Variants in UGT1A8 observed in about 807,000 individuals in gnomAD.
UGT1A8 encodes UDP glucuronosyltransferase family 1 member A8, also known as UDP-glucuronosyltransferase 1A8.
Under a neutral mutation model 45.3 loss-of-function variants are expected in UGT1A8, and 39 were observed. The observed-to-expected ratio is 0.86, with a 90% CI of 0.67 to 1.12. The LOEUF (loss-of-function observed/expected upper bound fraction) is 1.12. Among genes scored for constraint, UGT1A8 ranks in the 50% most tolerant of loss-of-function variants. The probability of loss-of-function intolerance (pLI) is 0.00; values close to 1 mark genes in which losing one functional copy is unlikely to be tolerated. For synonymous variants in UGT1A8, 275 were observed against 249.2 expected (o/e 1.10, Z -0.97); for missense variants, 719 against 664.9 (o/e 1.08, Z -0.90).
At chr2:233,729,375 G>A (rs148006660) in intron 1 of UGT1A8, 162 of 1,614,004 alleles carry the variant, frequency 1.0e-4, no homozygotes, top group African/African-American at 2.0e-4. Flanking sequence ...ATGCCATTTC[G>A]TGGACCCAGG....
chr2:233,729,822 A>G, intron 1 of UGT1A8: 1 of 1,613,914 alleles, frequency 6.2e-7, no homozygotes, highest in Non-Finnish European at 8.5e-7. Flanking sequence ...CTCCTTATGC[A>G]AGCCTTGCCT....
chr2:233,679,239 AAG>A (rs2074446105), intron 1 of UGT1A8, among the ~76,000 whole-genome samples: 1 of 152,220 alleles, frequency 6.6e-6, no homozygotes, highest in South Asian at 2.1e-4. Flanking sequence ...CCAATATCGA[AAG>A]AACTTTAAAA....
At chr2:233,685,924 CT>C in intron 1 of UGT1A8, among the ~76,000 whole-genome samples, 1 of 152,088 alleles carries the variant, frequency 6.6e-6, no homozygotes, top group African/African-American at 2.4e-5. Flanking sequence ...TAAATTTATC[CT>C]GATTGTCTCA....
chr2:233,760,685 A>G (rs575799001), intron 1 of UGT1A8: 11 of 1,614,182 alleles, frequency 6.8e-6, no homozygotes, highest in South Asian at 1.1e-5. Flanking sequence ...TTACTGCACA[A>G]CAAGGAGCTC....
At chr2:233,639,643 G>T (rs1173613326) in intron 1 of UGT1A8, among the ~76,000 whole-genome samples, 1 of 152,194 alleles carries the variant, frequency 6.6e-6, no homozygotes, top group East Asian at 1.9e-4. Flanking sequence ...CAGTGTCCCA[G>T]ACCCTGCACA....
At chr2:233,693,615 CT>C (rs779391112) in intron 1 of UGT1A8, 58 of 1,614,100 alleles carry the variant, frequency 3.6e-5, no homozygotes, top group South Asian at 8.8e-5. Context: ...GACCACATGA[CT>C]TTTTCCCAAC....
Position 233,767,922 on chromosome 2 carries a change from A to G in UGT1A8, c.1061A>G (p.Gln354Arg), listed in dbSNP as rs72551351. The G allele has an allele frequency of 6.2e-7, 1 of 1,614,240 alleles. No individual in the cohort carries two copies. The highest frequency in any genetic ancestry group is 1.1e-5 in the South Asian group (1 of 91,086). ...ACGATACTTGTTAAGTGGCTACCCC[A>G]AAACGATCTGCTTGGTATGTTGGGC... ...NNTILVKWLP[Q>R]NDLLGHPMTR... Residue 354 changes from glutamine (Q) to arginine (R), a missense_variant, in exon 3 of 5, where the codon CAA (glutamine) becomes CGA (arginine). Physicochemically the swap from Gln to Arg is conservative, Grantham distance 43. Transcript: ENST00000373450.
At chr2:233,768,989 C>A (rs947388091) in intron 4 of UGT1A8, among the ~76,000 whole-genome samples, 2 of 152,024 alleles carry the variant, frequency 1.3e-5, no homozygotes, top group African/African-American at 4.8e-5. Context: ...TTATTTCCCC[C>A]ATTAGATTTA....
chr2:233,638,206 A>G (rs983028266), intron 1 of UGT1A8, among the ~76,000 whole-genome samples: 1 of 152,314 alleles, frequency 6.6e-6, no homozygotes, highest in African/African-American at 2.4e-5. Flanking sequence ...CTTGTTTTAT[A>G]TACATAAATA....
At chr2:233,651,183 T>C (rs578096778) in intron 1 of UGT1A8, among the ~76,000 whole-genome samples, 71 of 152,290 alleles carry the variant, frequency 4.7e-4, no homozygotes, top group Middle Eastern at 6.8e-3. Flanking sequence ...TTACCCTCCT[T>C]CAGTTACAGC....
chr2:233,764,097 A>C (rs535493986), intron 1 of UGT1A8, among the ~76,000 whole-genome samples: 6 of 152,334 alleles, frequency 3.9e-5, no homozygotes, highest in African/African-American at 1.4e-4. Flanking sequence ...CTAAACTAAA[A>C]ATACAAAATT....
At chr2:233,666,128 A>G (rs2074071333) in intron 1 of UGT1A8, among the ~76,000 whole-genome samples, 1 of 152,244 alleles carries the variant, frequency 6.6e-6, no homozygotes, top group Admixed American at 6.5e-5. Context: ...GAGGGTGCTG[A>G]TCACATGGCT....
At chr2:233,678,335 C>G (rs7582907) in intron 1 of UGT1A8, among the ~76,000 whole-genome samples, 92,481 of 151,102 alleles carry the variant, frequency 0.61, 28,518 homozygotes, top group South Asian at 0.65. Flanking sequence ...AAGAGGAAGT[C>G]ATTCATCATA....
At chr2:233,641,372 A>G (rs1385489048) in intron 1 of UGT1A8, among the ~76,000 whole-genome samples, 1 of 152,214 alleles carries the variant, frequency 6.6e-6, no homozygotes, top group Admixed American at 6.5e-5. Flanking sequence ...ACAAACACAC[A>G]GCAAGAAGAA....
At chr2:233,691,483 T>C in intron 1 of UGT1A8, 1 of 985,676 alleles carries the variant, frequency 1.0e-6, no homozygotes, top group Non-Finnish European at 1.2e-6. Flanking sequence ...GCCAAACTTG[T>C]GGGTGGGAAC....
At chr2:233,713,708 T>C in intron 1 of UGT1A8, 4 of 1,613,978 alleles carry the variant, frequency 2.5e-6, no homozygotes, top group Non-Finnish European at 3.4e-6. Context: ...CTGAGCTTTT[T>C]CAGAGAGAGG....
intron 1 of UGT1A8, among the ~76,000 whole-genome samples, chr2:233,761,761 G>A (rs990120638): frequency 6.6e-6 from 1 of 152,174 alleles, no homozygotes; most frequent in African/African-American, 2.4e-5. Flanking sequence ...TATGCAAAAA[G>A]TAGCATTCAC....
At chr2:233,667,330 T>A (rs1213470492) in intron 1 of UGT1A8, among the ~76,000 whole-genome samples, 3 of 152,232 alleles carry the variant, frequency 2.0e-5, no homozygotes, top group Admixed American at 6.5e-5. Flanking sequence ...GCTAGCCATT[T>A]GTAGAAAGCT....
At chr2:233,731,359 A>G (rs2078149638) in intron 1 of UGT1A8, among the ~76,000 whole-genome samples, 1 of 151,208 alleles carries the variant, frequency 6.6e-6, no homozygotes, top group Admixed American at 6.6e-5. Context: ...ATAGGTATAC[A>G]TGTGCCATGT....
Sources: allele counts gnomAD v4.1 joint callset (sites outside exome capture counted in the v4.1 genomes callset), GRCh38; gene constraint gnomAD v4.1.1; transcripts MANE v1.5; gene names NCBI Gene and HGNC (gene_info 2026-07-23, HGNC 2026-07-21).